The following CAMK1D variants were observed in gnomAD, a reference collection of about 807,000 sequenced individuals.
CAMK1D encodes the protein calcium/calmodulin dependent protein kinase ID, also known as calcium/calmodulin-dependent protein kinase type 1D.
In CAMK1D, 9 loss-of-function variants were observed where a neutral mutation model predicts 47.7. The observed-to-expected ratio is 0.19, with a 90% confidence interval of 0.11 to 0.33. The LOEUF is 0.33. Ranked by LOEUF, CAMK1D falls within the 10% of genes least tolerant of loss-of-function variation. The pLI is 1.00. For missense variants in CAMK1D, 291 were observed against 488.7 expected (o/e 0.60, Z 3.81); for synonymous variants, 184 against 184.9 (o/e 0.99, Z 0.04).
chr10:12,374,995 A>C (rs574918421), intron 1 of CAMK1D, among the ~76,000 whole-genome samples: 2 of 150,464 alleles, frequency 1.3e-5, no homozygotes, highest in African/African-American at 2.4e-5. Context: ...GGGTCTCACT[A>C]TGTGTTGCCC....
At chr10:12,412,906 C>T (rs1369092926) in intron 1 of CAMK1D, among the ~76,000 whole-genome samples, 3 of 152,058 alleles carry the variant, frequency 2.0e-5, no homozygotes, top group East Asian at 1.9e-4. Flanking sequence ...GGTTCATGAA[C>T]GCATCCTACT....
chr10:12,718,151 T>C (rs936972130), intron 3 of CAMK1D, among the ~76,000 whole-genome samples: 1 of 152,192 alleles, frequency 6.6e-6, no homozygotes, highest in Non-Finnish European at 1.5e-5. Flanking sequence ...AACCCGTGTG[T>C]CATTTCAGCA....
At chr10:12,704,525 T>C (rs1049005734) in intron 3 of CAMK1D, among the ~76,000 whole-genome samples, 2 of 152,230 alleles carry the variant, frequency 1.3e-5, no homozygotes, top group East Asian at 3.9e-4. Flanking sequence ...AAGAAGAGGT[T>C]GTTTGATGTT....
At chr10:12,622,596 TCTA>T (rs1298591235) in intron 2 of CAMK1D, among the ~76,000 whole-genome samples, 1 of 149,886 alleles carries the variant, frequency 6.7e-6, no homozygotes, top group African/African-American at 2.4e-5. Flanking sequence ...GAAACATACT[TCTA>T]CTCCTTTTTG....
chr10:12,492,525 G>A (rs1175453290), intron 1 of CAMK1D, among the ~76,000 whole-genome samples: 1 of 152,078 alleles, frequency 6.6e-6, no homozygotes, highest in East Asian at 1.9e-4. Context: ...TAGATGCAGT[G>A]GCACACACCT....
chr10:12,780,202 T>G (rs557705846), intron 5 of CAMK1D, among the ~76,000 whole-genome samples: 192 of 152,204 alleles, frequency 1.3e-3, no homozygotes, highest in Non-Finnish European at 2.1e-3. Flanking sequence ...GATGAGCTCT[T>G]GGAAACCAGG....
At chr10:12,573,244 C>G (rs1290586400) in intron 2 of CAMK1D, among the ~76,000 whole-genome samples, 2 of 152,242 alleles carry the variant, frequency 1.3e-5, no homozygotes, top group African/African-American at 4.8e-5. Context: ...AAAGCAGGGC[C>G]TGCTGCTCTG....
chr10:12,548,969 C>T (rs1024347650), intron 1 of CAMK1D, among the ~76,000 whole-genome samples: 2 of 152,234 alleles, frequency 1.3e-5, no homozygotes, highest in African/African-American at 4.8e-5. Context: ...GATTCTCCCA[C>T]CTCAGCCTGC....
At chr10:12,355,479 C>T (rs149386110) in intron 1 of CAMK1D, among the ~76,000 whole-genome samples, 22 of 151,004 alleles carry the variant, frequency 1.5e-4, no homozygotes, top group East Asian at 4.0e-4. Context: ...TGTGTGTGCG[C>T]GCGCGTGCGT....
intron 2 of CAMK1D, among the ~76,000 whole-genome samples, chr10:12,591,770 T>C (rs1426781394): frequency 6.6e-6 from 1 of 152,222 alleles, no homozygotes; most frequent in Non-Finnish European, 1.5e-5. Context: ...CTCGGCTCAC[T>C]GCAACCTCCG....
intron 2 of CAMK1D, among the ~76,000 whole-genome samples, chr10:12,615,462 G>A (rs1398982181): frequency 6.7e-6 from 1 of 150,032 alleles, no homozygotes; most frequent in African/African-American, 2.5e-5. Context: ...GTGTGTAGGT[G>A]TGAGTGTGTG....
chr10:12,403,356 G>A (rs1159632319), intron 1 of CAMK1D, among the ~76,000 whole-genome samples: 3 of 152,196 alleles, frequency 2.0e-5, no homozygotes, highest in Admixed American at 6.5e-5. Flanking sequence ...CCCTTCATGG[G>A]TGTGGGACCT....
rs189153665 is a variant in CAMK1D at position 12,571,736 on chromosome 10, C to A, written c.224+18380C>A. Among the ~76,000 whole-genome samples, 346 of 152,136 alleles carry A rather than the reference C, an allele frequency of 2.3e-3. 8 individuals carry two copies. The highest frequency in any genetic ancestry group is 0.02 in the Admixed American group (305 of 15,272). ...TCTTTCTTTCGTAGCAAACTTAAAGCTCCGTGAAGGTAGGGATGCTACCTG... is the reference window on the plus strand; with the variant it reads ...TCTTTCTTTCGTAGCAAACTTAAAGATCCGTGAAGGTAGGGATGCTACCTG... On this transcript the variant is annotated intron_variant, in intron 2 of 10. Transcript: ENST00000619168.
At chr10:12,607,790 A>T (rs1277316715) in intron 2 of CAMK1D, among the ~76,000 whole-genome samples, 1 of 152,098 alleles carries the variant, frequency 6.6e-6, no homozygotes, top group Non-Finnish European at 1.5e-5. Flanking sequence ...GTAAAACCTT[A>T]TCTCTACAAG....
In CAMK1D at chr10:12,825,561, C is replaced by G; in HGVS notation, c.922-12C>G. 3 of 1,599,030 alleles carry G rather than the reference C, an allele frequency of 1.9e-6. No individual in the cohort carries two copies. Among genetic ancestry groups the G allele is most frequent in the Non-Finnish European group, 2.6e-6 (3 of 1,174,800 alleles). ...AAATATTTGTCTGCTTTTTTCCTTTCTGAAATTTCAGCAAGCATTTAATGC... is the reference window on the plus strand; with the variant it reads ...AAATATTTGTCTGCTTTTTTCCTTTGTGAAATTTCAGCAAGCATTTAATGC... On this transcript the variant is annotated splice_polypyrimidine_tract_variant and intron_variant, in intron 9 of 10. Transcript: ENST00000619168.
At chr10:12,779,562 T>G (rs1837403242) in intron 5 of CAMK1D, among the ~76,000 whole-genome samples, 1 of 152,174 alleles carries the variant, frequency 6.6e-6, no homozygotes, top group Non-Finnish European at 1.5e-5. Context: ...CCTGCAGAGC[T>G]GGGACTACAG....
At chr10:12,464,014 C>T (rs1055758908) in intron 1 of CAMK1D, among the ~76,000 whole-genome samples, 1 of 152,146 alleles carries the variant, frequency 6.6e-6, no homozygotes, top group African/African-American at 2.4e-5. Flanking sequence ...GCCTCCCCAG[C>T]CATGCTGAAC....
rs960506257 is a variant in CAMK1D, at chr10:12,834,018, T to A, written c.*5131T>A. 3 of 151,902 alleles carry A rather than the reference T, an allele frequency of 2.0e-5. No individual in the cohort carries two copies. Among genetic ancestry groups the A allele is most frequent in the Non-Finnish European group, 4.4e-5 (3 of 68,000 alleles). 9.4% of individuals were successfully genotyped at this position (151,902 alleles called of 1,614,324 possible). ...GTTGGGGCTGCAGGTGTGCCTGACA[T>A]TTGCAAAAGATATTCCAGTCTTTCG... is the stretch of plus-strand genomic sequence containing the variant. On this transcript the variant is annotated 3_prime_UTR_variant, in exon 11 of 11. Transcript: ENST00000619168.
At chr10:12,498,001 C>T (rs540444004) in intron 1 of CAMK1D, among the ~76,000 whole-genome samples, 18 of 152,192 alleles carry the variant, frequency 1.2e-4, no homozygotes, top group Admixed American at 2.0e-4. Flanking sequence ...AACGTGTGCA[C>T]GGAAACTGCC....
Sources: gnomAD v4.1 joint callset for allele counts (sites outside exome capture counted in the v4.1 genomes callset) on GRCh38, gnomAD v4.1.1 for gene constraint, MANE v1.5 for transcripts, NCBI Gene and HGNC (gene_info 2026-07-23, HGNC 2026-07-21) for gene names.